Variants in KIAA1217 observed in about 807,000 individuals in gnomAD.
The protein encoded by KIAA1217 is sickle tail protein homolog.
KIAA1217 carries 88 observed loss-of-function variants against 163.9 expected under a neutral mutation model. The observed-to-expected ratio is 0.54, with a 90% CI of 0.45 to 0.64. The LOEUF (loss-of-function observed/expected upper bound fraction) is 0.64, where lower values mean the gene tolerates loss of function less well. Ranked by LOEUF, KIAA1217 falls within the 30% of genes least tolerant of loss-of-function variation. The pLI is 0.00. For synonymous variants in KIAA1217, 903 were observed against 923.1 expected, an observed-to-expected ratio of 0.98 and a Z score of 0.39; for missense variants, 2,372 against 2,475.0, an observed-to-expected ratio of 0.96 and a Z score of 0.88.
chr10:24,227,739 A>G (rs946387763), intron 2 of KIAA1217, among the ~76,000 whole-genome samples: 2 of 151,554 alleles, frequency 1.3e-5, no homozygotes, highest in African/African-American at 2.4e-5. Flanking sequence ...TCACCGTGTT[A>G]GTCAGGATGG....
chr10:24,023,171 A>T (rs890456032), intron 2 of KIAA1217, among the ~76,000 whole-genome samples: 3 of 151,714 alleles, frequency 2.0e-5, no homozygotes, highest in Admixed American at 2.0e-4. Context: ...TCCATATATT[A>T]TTAGAATTGG....
chr10:23,950,101 C>T (rs1742992129), intron 1 of KIAA1217, among the ~76,000 whole-genome samples: 4 of 152,142 alleles, frequency 2.6e-5, no homozygotes, highest in African/African-American at 9.7e-5. Flanking sequence ...ACCAAGACCC[C>T]TCTAATCCCA....
intron 2 of KIAA1217, among the ~76,000 whole-genome samples, chr10:24,346,600 C>T (rs1396425611): frequency 2.2e-4 from 22 of 99,176 alleles, no homozygotes; most frequent in Admixed American, 4.7e-4. Context: ...GAGGCAGAGT[C>T]TTGCTCTGTC....
chr10:24,008,998 C>A (rs1589227668), intron 2 of KIAA1217, among the ~76,000 whole-genome samples: 1 of 152,174 alleles, frequency 6.6e-6, no homozygotes, highest in South Asian at 2.1e-4. Flanking sequence ...AAGAGTCAAC[C>A]TTTTATGGAT....
intron 2 of KIAA1217, among the ~76,000 whole-genome samples, chr10:24,184,194 G>A (rs1184645120): frequency 6.6e-6 from 1 of 152,220 alleles, no homozygotes; most frequent in Non-Finnish European, 1.5e-5. Flanking sequence ...TGGGTGGAAT[G>A]TGTACGTATG....
intron 2 of KIAA1217, among the ~76,000 whole-genome samples, chr10:24,254,855 A>G (rs990792319): frequency 7.2e-4 from 109 of 151,436 alleles, no homozygotes; most frequent in Non-Finnish European, 7.4e-4. Context: ...GTTCAACTCT[A>G]ATTTTTTTTT....
At chr10:23,795,187 C>T (rs1442176014) in intron 1 of KIAA1217, among the ~76,000 whole-genome samples, 1 of 152,176 alleles carries the variant, frequency 6.6e-6, no homozygotes, top group Non-Finnish European at 1.5e-5. Context: ...AGAGATCACT[C>T]AAGAAAGGAC....
chr10:24,397,261 T>C (rs1276161520), intron 3 of KIAA1217, among the ~76,000 whole-genome samples: 1 of 152,058 alleles, frequency 6.6e-6, no homozygotes, highest in Non-Finnish European at 1.5e-5. Context: ...GGCTAATTTT[T>C]GTATTTTTAA....
chr10:23,974,658 C>CA (rs1845462942), intron 1 of KIAA1217, among the ~76,000 whole-genome samples: 1 of 151,494 alleles, frequency 6.6e-6, no homozygotes, highest in Non-Finnish European at 1.5e-5. Flanking sequence ...CTCGTGTCTG[C>CA]AAAAAATAAA....
chr10:24,061,925 C>T (rs1311074881), intron 2 of KIAA1217, among the ~76,000 whole-genome samples: 1 of 152,004 alleles, frequency 6.6e-6, no homozygotes, highest in Admixed American at 6.6e-5. Context: ...CATTTACTTC[C>T]TCACATTTGA....
intron 2 of KIAA1217, among the ~76,000 whole-genome samples, chr10:24,062,133 T>C (rs2060746922): frequency 6.6e-6 from 1 of 151,952 alleles, no homozygotes; most frequent in Non-Finnish European, 1.5e-5. Flanking sequence ...TTAGTTAATG[T>C]ATTCTTTTTT....
chr10:24,312,273 G>A (rs966584028), intron 2 of KIAA1217, among the ~76,000 whole-genome samples: 1 of 150,878 alleles, frequency 6.6e-6, no homozygotes, highest in East Asian at 2.0e-4. Flanking sequence ...TTTTTCTACT[G>A]CAGGAAGGTT....
intron 2 of KIAA1217, among the ~76,000 whole-genome samples, chr10:24,363,567 G>GTTTTTTTTT (rs1176059578): frequency 1.6e-5 from 2 of 128,450 alleles, no homozygotes; most frequent in Non-Finnish European, 1.7e-5. Flanking sequence ...TTTTGTTTTT[G>GTTTTTTTTT]TTTTTTTTTT....
At position 24,524,704 on chromosome 10, in the gene KIAA1217, G is replaced by A; in HGVS notation, c.2838G>A (p.Gln946=). Residue 946 remains glutamine, a synonymous_variant, in exon 13 of 21, where the codon CAG becomes CAA. Transcript: ENST00000376454. ...TACCCATGAATGGGTCTGCCATGCA[G>A]AGCTTGTTCATTGAAGAAATCCACA... ...PQIPMNGSAM[Q]SLFIEEIHSV... is the part of the protein sequence containing the mutation. 6.2e-7 allele frequency: 1 copy of A among 1,612,310 alleles called. No homozygotes were observed. Among genetic ancestry groups the A allele is most frequent in the Non-Finnish European group, 8.5e-7 (1 of 1,178,566 alleles).
chr10:24,099,589 T>C (rs2062318141), intron 2 of KIAA1217, among the ~76,000 whole-genome samples: 1 of 143,614 alleles, frequency 7.0e-6, no homozygotes, highest in Non-Finnish European at 1.5e-5. Context: ...ATATATATTA[T>C]ATATATATAT....
chr10:24,352,589 G>A (rs1419693340), intron 2 of KIAA1217, among the ~76,000 whole-genome samples: 1 of 152,112 alleles, frequency 6.6e-6, no homozygotes. Flanking sequence ...ATGCAGTCAA[G>A]GTTATTCTTG....
chr10:24,277,656 C>T (rs762317042), intron 2 of KIAA1217, among the ~76,000 whole-genome samples: 2 of 152,210 alleles, frequency 1.3e-5, no homozygotes, highest in Non-Finnish European at 2.9e-5. Context: ...ACTGGGCACT[C>T]ATTCTTCTCC....
At chr10:24,163,645 T>C (rs1197888258) in intron 2 of KIAA1217, among the ~76,000 whole-genome samples, 1 of 152,234 alleles carries the variant, frequency 6.6e-6, no homozygotes, top group African/African-American at 2.4e-5. Context: ...TGCTTTAAAG[T>C]GTAGTACACA....
chr10:23,704,172 G>GTATGTA (rs1836711566), intron 1 of KIAA1217, among the ~76,000 whole-genome samples: 5 of 39,926 alleles, frequency 1.3e-4, no homozygotes, highest in African/African-American at 6.7e-4. Context: ...GTGTGTGTGT[G>GTATGTA]TATATATATA....
Sources: allele counts gnomAD v4.1 joint callset (sites outside exome capture counted in the v4.1 genomes callset), GRCh38; gene constraint gnomAD v4.1.1; transcripts MANE v1.5; gene names NCBI Gene and HGNC (gene_info 2026-07-23, HGNC 2026-07-21).